KHDC4: variants seen among roughly 807,000 people sequenced by gnomAD.
The protein encoded by KHDC4 is KH domain containing 4, pre-mRNA splicing factor, also known as KH homology domain-containing protein 4.
Under a neutral mutation model 74.5 loss-of-function variants are expected in KHDC4, and 19 were observed. The ratio of observed to expected loss-of-function variants is 0.26; its 90% confidence interval spans 0.18 to 0.37. KHDC4 has a LOEUF of 0.37. Ranked by LOEUF, KHDC4 falls within the 10% of genes least tolerant of loss-of-function variation. The pLI is 1.00. For synonymous variants in KHDC4, 253 were observed against 266.1 expected, an observed-to-expected ratio of 0.95 and a Z score of 0.48; for missense variants, 632 against 754.1, an observed-to-expected ratio of 0.84 and a Z score of 1.90.
intron 8 of KHDC4, among the ~76,000 whole-genome samples, chr1:155,922,932 G>A (rs1165075768): frequency 6.6e-6 from 1 of 152,146 alleles, no homozygotes; most frequent in African/African-American, 2.4e-5. Context: ...CTGGCCGGGC[G>A]CGGTGGCTCA....
chr1:155,927,531 G>A (rs970820483), intron 4 of KHDC4, among the ~76,000 whole-genome samples: 7 of 152,074 alleles, frequency 4.6e-5, no homozygotes, highest in Admixed American at 3.9e-4. Context: ...CAAGCTGGGT[G>A]CTGTGGCTCA....
In KHDC4 at chr1:155,933,678, G is replaced by A. The variant is rs770966396; in HGVS notation, c.210C>T (p.Leu70=). ...AAVAAKINAM[L]MAKGKLKPTQ... The stretch of plus-strand genomic sequence containing the variant: ...TTGGTTTCAGCTTCCCTTTTGCCAT[G>A]AGCATGGCATTAATCTTGGCAGCCA... Residue 70 remains leucine (L), a synonymous_variant, in exon 2 of 14, where the codon CTC becomes CTT. Coordinates refer to ENST00000368321, the MANE Select transcript of KHDC4 (RefSeq NM_014949.4). 5.6e-6 allele frequency: 9 copies of A among 1,612,256 alleles called. No homozygotes were observed. In the South Asian group the frequency reaches 6.6e-5, roughly 12 times the overall value.
intron 12 of KHDC4, 47 bp downstream of exon 12, chr1:155,916,578 G>T: frequency 2.3e-6 from 3 of 1,280,016 alleles, no homozygotes; most frequent in Non-Finnish European, 3.4e-6. Context: ...CACTAATGGT[G>T]CAAACAAATA....
chr1:155,926,828 G>A lies in KHDC4; in HGVS notation c.529C>T (p.Arg177Trp), dbSNP rs1336157487. The change falls in exon 6 of 14, where the codon CGG becomes TGG. Residue 177 changes from arginine (R) to tryptophan (W), a missense_variant. Transcript: ENST00000368321. The part of the protein sequence containing the change: ...TRELVDRAVN[R>W]IKEIITNGVV... ...CCATTGGTGATAATTTCTTTGATCC[G>A]GTTTACAGCTCCTTAGAAAAACACA... is the stretch of plus-strand genomic sequence containing the variant. The A allele has an allele frequency of 2.5e-6, 4 of 1,614,054 alleles. No individual in the cohort carries two copies. The highest frequency in any genetic ancestry group is 2.5e-6 in the Non-Finnish European group (3 of 1,180,018).
rs755080204 is a variant in KHDC4 at position 155,921,875 on chromosome 1, G to A, written c.998C>T (p.Ala333Val). The change falls in exon 9 of 14, where the codon GCT becomes GTT. Residue 333 changes from alanine (A) to valine (V), a missense_variant. Ala to Val is a moderately conservative substitution (Grantham distance 64). This residue lies in a region of KHDC4 where 233 missense variants were observed against 342.6 expected (regional missense o/e 0.68). Transcript: ENST00000368321. Reference sequence around the variant, plus strand: ...GATGTACACACCTGGTAAAGGTACAGCAGTATTAATCTGATTCACAAATCT... The same window carrying A: ...GATGTACACACCTGGTAAAGGTACAACAGTATTAATCTGATTCACAAATCT... Reference protein sequence around the residue: ...YSRFVNQINTAVPLPGYTQPS... With the variant: ...YSRFVNQINTVVPLPGYTQPS... 1.0e-5 allele frequency: 16 copies of A among 1,606,480 alleles called. No homozygotes were observed. The highest frequency in any genetic ancestry group is 1.3e-5 in the Non-Finnish European group (15 of 1,174,890).
Position 155,921,715 on chromosome 1 carries a change from A to C in KHDC4, c.1013-87T>G, listed in dbSNP as rs536125490. ...ATTAAACTTAATATCTAGGGAAGAAAAATACTGAGGCATGAATGGCTTTCC... is the reference window on the plus strand; with the variant it reads ...ATTAAACTTAATATCTAGGGAAGAACAATACTGAGGCATGAATGGCTTTCC... On this transcript the variant is annotated intron_variant, in intron 9 of 13. Transcript: ENST00000368321. The C allele has an allele frequency of 4.9e-5, 74 of 1,518,454 alleles. 1 individual carries two copies. In the South Asian group the frequency reaches 8.5e-4, roughly 17 times the overall value. 94.1% of individuals were successfully genotyped at this position (1,518,454 alleles called of 1,614,324 possible).
intron 5 of KHDC4, 112 bp from the exon 6 acceptor site, chr1:155,926,951 G>A: frequency 7.4e-7 from 1 of 1,351,570 alleles, no homozygotes. Context: ...CAAATATGTG[G>A]CTCTCCATCC....
Position 155,923,696 on chromosome 1 carries a change from A to C in KHDC4, c.894-9T>G. On this transcript the variant is annotated splice_polypyrimidine_tract_variant and intron_variant, in intron 7 of 13. Coordinates refer to ENST00000368321, the MANE Select transcript of KHDC4 (RefSeq NM_014949.4). ...CTTCTGGTTTGGGGTGACTGCAAAG[A>C]AATAACCAGGAATTCAAAGGAGAGA... is the stretch of plus-strand genomic sequence containing the variant. 1 of 1,607,372 alleles carries C rather than the reference A, an allele frequency of 6.2e-7. No individual in the cohort carries two copies. The highest frequency in any genetic ancestry group is 8.5e-7 in the Non-Finnish European group (1 of 1,174,152).
chr1:155,918,912 T>C (rs1334989706), intron 10 of KHDC4, among the ~76,000 whole-genome samples: 4 of 150,238 alleles, frequency 2.7e-5, no homozygotes, highest in African/African-American at 9.8e-5. Flanking sequence ...CATCCCAATA[T>C]CACACAGCTC....
Position 155,921,571 on chromosome 1 carries a change from G to A in KHDC4, c.1070C>T (p.Ser357Phe). Reference sequence around the variant, plus strand: ...AGGGTAACCAGACTGATAGCCATTGGATGGATAATATGGTGGTTGAGGAGG... The same window carrying A: ...AGGGTAACCAGACTGATAGCCATTGAATGGATAATATGGTGGTTGAGGAGG... ...SVPPQPPYYPSNGYQSGYPVV... is the reference protein window; with the variant it reads ...SVPPQPPYYPFNGYQSGYPVV... Residue 357 changes from serine (S) to phenylalanine (F), a missense_variant, in exon 10 of 14, where the codon TCC (serine) becomes TTC (phenylalanine). Physicochemically the swap from Ser to Phe is radical, Grantham distance 155 (BLOSUM62 -2). Coordinates refer to ENST00000368321, the MANE Select transcript of KHDC4 (RefSeq NM_014949.4). 3.7e-6 allele frequency: 6 copies of A among 1,614,100 alleles called. No homozygotes were observed. Among genetic ancestry groups the A allele is most frequent in the Non-Finnish European group, 5.1e-6 (6 of 1,179,964 alleles).
intron 4 of KHDC4, among the ~76,000 whole-genome samples, chr1:155,928,160 G>A (rs1055491179): frequency 4.6e-5 from 7 of 151,932 alleles, no homozygotes; most frequent in Non-Finnish European, 8.8e-5. Context: ...ACCACCCGAG[G>A]TCAGGACTTT....
At chr1:155,929,582 T>A in intron 3 of KHDC4, 130 bp downstream of exon 3, 1 of 1,166,348 alleles carries the variant, frequency 8.6e-7, no homozygotes, top group Non-Finnish European at 1.2e-6. Context: ...GAAGTTAAAT[T>A]AAACCCAATC....
intron 1 of KHDC4, 80 bp from the exon 2 acceptor site, chr1:155,933,929 A>G: frequency 8.8e-7 from 1 of 1,131,886 alleles, no homozygotes; most frequent in South Asian, 1.7e-5. Flanking sequence ...TTAGCACCCC[A>G]TTTTCCCTCT....
chr1:155,921,310 C>G, intron 10 of KHDC4, 65 bp downstream of exon 10: 1 of 1,545,508 alleles, frequency 6.5e-7, no homozygotes, highest in Non-Finnish European at 8.9e-7. Context: ...AATACCACTA[C>G]TTCCCCTCTT....
chr1:155,918,155 T>C (rs1436624647), intron 10 of KHDC4, among the ~76,000 whole-genome samples: 1 of 152,222 alleles, frequency 6.6e-6, no homozygotes, highest in South Asian at 2.1e-4. Context: ...GAAGACAGTA[T>C]ATATTACAGA....
intron 6 of KHDC4, among the ~76,000 whole-genome samples, chr1:155,926,274 T>C (rs1010048756): frequency 4.6e-5 from 7 of 151,964 alleles, no homozygotes; most frequent in South Asian, 2.1e-4. Context: ...ACTTTCGGGA[T>C]TGGAATTTGG....
intron 7 of KHDC4, among the ~76,000 whole-genome samples, chr1:155,925,059 C>T (rs1673957352): frequency 6.7e-6 from 1 of 148,152 alleles, no homozygotes; most frequent in South Asian, 2.1e-4. Context: ...TGGAGTCTCG[C>T]TCTGTCACCC....
chr1:155,927,837 CACACACACACA>C (rs1674047796), intron 4 of KHDC4, among the ~76,000 whole-genome samples: 1 of 10,726 alleles, frequency 9.3e-5, no homozygotes, highest in African/African-American at 2.0e-4. Context: ...AAAAACCACA[CACACACACACA>C]CACACACACA....
intron 7 of KHDC4, among the ~76,000 whole-genome samples, chr1:155,925,119 C>T (rs1227465035): frequency 2.0e-5 from 3 of 150,784 alleles, no homozygotes; most frequent in Non-Finnish European, 4.4e-5. Context: ...CTCCACCTCC[C>T]GGGTTCACGC....
Sources: gnomAD v4.1 joint callset for allele counts (sites outside exome capture counted in the v4.1 genomes callset) on GRCh38, gnomAD v4.1.1 for gene constraint, gnomAD v4.1.1 regional missense constraint, MANE v1.5 for transcripts, NCBI Gene and HGNC (gene_info 2026-07-23, HGNC 2026-07-21) for gene names.